The following OR1K1 variants were observed in gnomAD, a reference collection of about 807,000 sequenced individuals.
The protein encoded by OR1K1 is olfactory receptor 1K1.
For synonymous variants in OR1K1, 168 were observed against 178.2 expected, an observed-to-expected ratio of 0.94 and a Z score of 0.46; for missense variants, 409 against 407.9, an observed-to-expected ratio of 1.00 and a Z score of -0.02.
chr9:122,800,221 G>A lies in OR1K1; in HGVS notation c.99G>A (p.Leu33=). The change falls in exon 1 of 1, where the codon TTG becomes TTA. Residue 33 remains leucine (L), a synonymous_variant. Coordinates refer to ENST00000277309, the MANE Select transcript of OR1K1 (RefSeq NM_080859.1). ...GQQRPLFVLF[L]LLYVASLLGN... ...AGCGGCCTCTCTTTGTGCTGTTCTT[G>A]CTCTTGTATGTGGCCAGCCTCCTGG... 1 of 1,614,192 alleles carries A rather than the reference G, an allele frequency of 6.2e-7. No homozygotes were observed. The highest frequency in any genetic ancestry group is 8.5e-7 in the Non-Finnish European group (1 of 1,180,004).
chr9:122,800,759 C>T lies in OR1K1; in HGVS notation c.637C>T (p.Leu213=). Residue 213 remains leucine (L), a synonymous_variant, in exon 1 of 1, where the codon CTG becomes TTG. Coordinates refer to ENST00000277309, the MANE Select transcript of OR1K1 (RefSeq NM_080859.1). ...EGAAVVVTPF[L]LILASYGAIA... is the part of the protein sequence containing the mutation. ...CGCCGCAGTGGTGGTCACTCCCTTC[C>T]TGCTCATCCTCGCCTCCTATGGGGC... is the stretch of plus-strand genomic sequence containing the variant. 6.2e-7 allele frequency: 1 copy of T among 1,614,032 alleles called. No homozygotes were observed. Among genetic ancestry groups the T allele is most frequent in the Non-Finnish European group, 8.5e-7 (1 of 1,180,040 alleles).
In OR1K1 at chr9:122,800,961, C is replaced by T. The variant is rs1433557120; in HGVS notation, c.839C>T (p.Thr280Ile). The T allele has an allele frequency of 1.2e-6, 2 of 1,614,214 alleles. No individual in the cohort carries two copies. The highest frequency in any genetic ancestry group is 1.7e-5 in the Admixed American group (1 of 60,022). Residue 280 changes from threonine (T) to isoleucine (I), a missense_variant, in exon 1 of 1, where the codon ACT (threonine) becomes ATT (isoleucine). By Grantham distance (89) the Thr-to-Ile change is moderately conservative. Coordinates refer to ENST00000277309, the MANE Select transcript of OR1K1 (RefSeq NM_080859.1). ...GGCCGTGTGGCCACTGTCATGTACA[C>T]TGTAGTCACCCCCATGCTGAACCCC... Reference protein sequence around the residue: ...EWGRVATVMYTVVTPMLNPII... With the variant: ...EWGRVATVMYIVVTPMLNPII...
rs1029774437 is a variant in OR1K1 at position 122,800,159 on chromosome 9, T to A, written c.37T>A (p.Phe13Ile). Residue 13 changes from phenylalanine (F) to isoleucine (I), a missense_variant, in exon 1 of 1, where the codon TTC (phenylalanine) becomes ATC (isoleucine). Coordinates refer to ENST00000277309, the MANE Select transcript of OR1K1 (RefSeq NM_080859.1). Reference protein sequence around the residue: ...AANESSEGISFVLLGLTTSPG... With the variant: ...AANESSEGISIVLLGLTTSPG... The stretch of plus-strand genomic sequence containing the variant: ...CAATGAGTCTTCAGAGGGAATCTCA[T>A]TCGTTTTATTGGGACTGACAACAAG... 6.2e-7 allele frequency: 1 copy of A among 1,613,150 alleles called. No homozygotes were observed. Among genetic ancestry groups the A allele is most frequent in the African/African-American group, 1.3e-5 (1 of 74,876 alleles).
Position 122,800,389 on chromosome 9 carries a change from T to C in OR1K1, c.267T>C (p.His89=), listed in dbSNP as rs532783494. The change falls in exon 1 of 1, where the codon CAT becomes CAC. Residue 89 remains histidine (H), a synonymous_variant. Coordinates refer to ENST00000277309, the MANE Select transcript of OR1K1 (RefSeq NM_080859.1). The part of the protein sequence containing the change: ...VPKMLANLLA[H]DHSISLAGCL... Reference sequence around the variant, plus strand: ...AGATGTTGGCCAACTTGTTGGCCCATGACCACTCCATCTCGCTGGCTGGCT... The same window carrying C: ...AGATGTTGGCCAACTTGTTGGCCCACGACCACTCCATCTCGCTGGCTGGCT... The C allele has an allele frequency of 1.2e-6, 2 of 1,614,114 alleles. No individual in the cohort carries two copies. Among genetic ancestry groups the C allele is most frequent in the African/African-American group, 2.7e-5 (2 of 75,064 alleles).
chr9:122,800,675 C>T lies in OR1K1; in HGVS notation c.553C>T (p.Leu185Phe), dbSNP rs144956332. 2,864 of 1,614,170 alleles carry T rather than the reference C, an allele frequency of 1.8e-3. 5 individuals are homozygous for T. Among genetic ancestry groups the T allele is most frequent in the Non-Finnish European group, 2.2e-3 (2,610 of 1,180,042 alleles). ...CCACTTCTTCTGTGACCACCAGCCT[C>T]TCTTAAGGCTCTCGTGCTCTGACAC... ...VPHFFCDHQP[L>F]LRLSCSDTHH... The change falls in exon 1 of 1, where the codon CTC becomes TTC. Residue 185 changes from leucine (L) to phenylalanine (F), a missense_variant. Coordinates refer to ENST00000277309, the MANE Select transcript of OR1K1 (RefSeq NM_080859.1).
rs773435922 is a variant in OR1K1 at position 122,800,923 on chromosome 9, C to T, written c.801C>T (p.Arg267=). The part of the protein sequence containing the change: ...IAVYFQATSR[R]EAEWGRVATV... The stretch of plus-strand genomic sequence containing the variant: ...TCTACTTCCAGGCCACATCCCGACG[C>T]GAGGCAGAGTGGGGCCGTGTGGCCA... Residue 267 remains arginine, a synonymous_variant, in exon 1 of 1, where the codon CGC becomes CGT. Coordinates refer to ENST00000277309, the MANE Select transcript of OR1K1 (RefSeq NM_080859.1). 4.3e-5 allele frequency: 69 copies of T among 1,614,184 alleles called. 1 individual carries two copies. Among genetic ancestry groups the T allele is most frequent in the Middle Eastern group, 3.3e-4 (2 of 6,062 alleles).
Position 122,800,323 on chromosome 9 carries a change from G to C in OR1K1, c.201G>C (p.Leu67=). 6.2e-7 allele frequency: 1 copy of C among 1,614,186 alleles called. No homozygotes were observed. The highest frequency in any genetic ancestry group is 1.1e-5 in the South Asian group (1 of 91,084). ...CCATGTACTTCCTGCTGGCCCACCT[G>C]TCCTTTGCTGACCTCTGCTTCGCCT... ...HAPMYFLLAH[L]SFADLCFASV... is the part of the protein sequence containing the mutation. The change falls in exon 1 of 1, where the codon CTG becomes CTC. Residue 67 remains leucine, a synonymous_variant. Transcript: ENST00000277309.
Position 122,800,140 on chromosome 9 carries a change from G to GTCTTCAGAGGGAA in OR1K1, c.22_34dup (p.Ser12PhefsTer36). ...AGCCTGCCATGGAGGCTGCCAATGA[G>GTCTTCAGAGGGAA]TCTTCAGAGGGAATCTCATTCGTTT... On this transcript the variant is annotated frameshift_variant, in exon 1 of 1. Coordinates refer to ENST00000277309, the MANE Select transcript of OR1K1 (RefSeq NM_080859.1). LOFTEE classifies it low-confidence loss of function (END_TRUNC). The GTCTTCAGAGGGAA allele has an allele frequency of 6.2e-7, 1 of 1,609,348 alleles. No individual in the cohort carries two copies.
At position 122,800,669 on chromosome 9, in the gene OR1K1, C is replaced by G; in HGVS notation, c.547C>G (p.Gln183Glu). Residue 183 changes from glutamine to glutamate, a missense_variant, in exon 1 of 1, where the codon CAG becomes GAG. Transcript: ENST00000277309. ...AGTGCCCCACTTCTTCTGTGACCAC[C>G]AGCCTCTCTTAAGGCTCTCGTGCTC... ...HQVPHFFCDH[Q>E]PLLRLSCSDT... 1.9e-6 allele frequency: 3 copies of G among 1,614,142 alleles called. No individual in the cohort carries two copies. The highest frequency in any genetic ancestry group is 2.5e-6 in the Non-Finnish European group (3 of 1,180,044).
chr9:122,800,335 C>A lies in OR1K1; in HGVS notation c.213C>A (p.Asp71Glu). ...YFLLAHLSFADLCFASVTVPK... is the reference protein window; with the variant it reads ...YFLLAHLSFAELCFASVTVPK... ...TGCTGGCCCACCTGTCCTTTGCTGA[C>A]CTCTGCTTCGCCTCCGTCACTGTGC... is the stretch of plus-strand genomic sequence containing the variant. The change falls in exon 1 of 1, where the codon GAC (aspartate) becomes GAA (glutamate). Residue 71 changes from aspartate to glutamate, a missense_variant. Asp to Glu is a conservative substitution (Grantham distance 45). Transcript: ENST00000277309. 6.2e-7 allele frequency: 1 copy of A among 1,614,180 alleles called. No homozygotes were observed. Among genetic ancestry groups the A allele is most frequent in the Non-Finnish European group, 8.5e-7 (1 of 1,180,016 alleles).
Position 122,800,514 on chromosome 9 carries a change from T to G in OR1K1, c.392T>G (p.Leu131Arg). ...TGCTACGTGGCCATCCGGCACCCCC[T>G]CCCCTATGCCACGAGGATGTCCCGG... ...YDCYVAIRHP[L>R]PYATRMSRAM... is the part of the protein sequence containing the mutation. The change falls in exon 1 of 1, where the codon CTC becomes CGC. Residue 131 changes from leucine to arginine, a missense_variant. Leu to Arg is a moderately radical substitution (Grantham distance 102). Coordinates refer to ENST00000277309, the MANE Select transcript of OR1K1 (RefSeq NM_080859.1). The G allele has an allele frequency of 6.2e-7, 1 of 1,611,850 alleles. No individual in the cohort carries two copies. The highest frequency in any genetic ancestry group is 8.5e-7 in the Non-Finnish European group (1 of 1,179,954).
chr9:122,800,642 C>T lies in OR1K1; in HGVS notation c.520C>T (p.Gln174Ter), dbSNP rs1055546908. The change falls in exon 1 of 1, where the codon CAA becomes TAA. Residue 174 changes from glutamine (Q) to a stop codon, truncating the protein, a stop_gained. Transcript: ENST00000277309. LOFTEE classifies it low-confidence loss of function (END_TRUNC). ...TCGCTTGTCCTTCTGTGCTTCCCAC[C>T]AAGTGCCCCACTTCTTCTGTGACCA... The part of the protein sequence containing the change: ...MARLSFCASH[Q>*]VPHFFCDHQP... 3 of 1,613,976 alleles carry T rather than the reference C, an allele frequency of 1.9e-6. No individual in the cohort carries two copies. The highest frequency in any genetic ancestry group is 1.3e-5 in the African/African-American group (1 of 74,930).
At position 122,800,933 on chromosome 9, in the gene OR1K1, T is replaced by C. The variant is rs7046603; in HGVS notation, c.811T>C (p.Trp271Arg). Reference protein sequence around the residue: ...FQATSRREAEWGRVATVMYTV... With the variant: ...FQATSRREAERGRVATVMYTV... ...GGCCACATCCCGACGCGAGGCAGAG[T>C]GGGGCCGTGTGGCCACTGTCATGTA... The change falls in exon 1 of 1, where the codon TGG (tryptophan) becomes CGG (arginine). Residue 271 changes from tryptophan to arginine, a missense_variant. By Grantham distance (101) the Trp-to-Arg change is moderately radical. Transcript: ENST00000277309. The C allele has an allele frequency of 0.032, 50,918 of 1,613,998 alleles. 1,936 individuals are homozygous for C. Among genetic ancestry groups the C allele is most frequent in the African/African-American group, 0.15 (11,579 of 74,954 alleles).
In OR1K1 at chr9:122,800,950, T is replaced by C; in HGVS notation, c.828T>C (p.Thr276=). Residue 276 remains threonine, a synonymous_variant, in exon 1 of 1, where the codon ACT becomes ACC. Transcript: ENST00000277309. The part of the protein sequence containing the change: ...RREAEWGRVA[T]VMYTVVTPML... ...AGGCAGAGTGGGGCCGTGTGGCCACTGTCATGTACACTGTAGTCACCCCCA... is the reference window on the plus strand; with the variant it reads ...AGGCAGAGTGGGGCCGTGTGGCCACCGTCATGTACACTGTAGTCACCCCCA... 1 of 1,614,190 alleles carries C rather than the reference T, an allele frequency of 6.2e-7. No individual in the cohort carries two copies. The highest frequency in any genetic ancestry group is 1.3e-5 in the African/African-American group (1 of 75,048).
Position 122,800,521 on chromosome 9 carries a change from T to G in OR1K1, c.399T>G (p.Tyr133Ter). ...CYVAIRHPLP[Y>*]ATRMSRAMCA... ...TGGCCATCCGGCACCCCCTCCCCTA[T>G]GCCACGAGGATGTCCCGGGCCATGT... Residue 133 changes from tyrosine (Y) to a stop codon, truncating the protein, a stop_gained, in exon 1 of 1, where the codon TAT becomes TAG. Coordinates refer to ENST00000277309, the MANE Select transcript of OR1K1 (RefSeq NM_080859.1). LOFTEE classifies it low-confidence loss of function (END_TRUNC). The G allele has an allele frequency of 6.2e-7, 1 of 1,612,182 alleles. No individual in the cohort carries two copies. Among genetic ancestry groups the G allele is most frequent in the Non-Finnish European group, 8.5e-7 (1 of 1,179,982 alleles).
At position 122,800,696 on chromosome 9, in the gene OR1K1, G is replaced by A. The variant is rs181268529; in HGVS notation, c.574G>A (p.Asp192Asn). 5 of 1,614,060 alleles carry A rather than the reference G, an allele frequency of 3.1e-6. No homozygotes were observed. In the Admixed American group the frequency reaches 5.0e-5, roughly 16 times the overall value. ...HQPLLRLSCS[D>N]THHIQLLIFT... ...GCCTCTCTTAAGGCTCTCGTGCTCTGACACCCACCACATCCAGCTGCTCAT... is the reference window on the plus strand; with the variant it reads ...GCCTCTCTTAAGGCTCTCGTGCTCTAACACCCACCACATCCAGCTGCTCAT... The change falls in exon 1 of 1, where the codon GAC becomes AAC. Residue 192 changes from aspartate (D) to asparagine (N), a missense_variant. By Grantham distance (23) the Asp-to-Asn change is conservative (BLOSUM62 1). Transcript: ENST00000277309.
rs200246499 is a variant in OR1K1, at chr9:122,800,753, C to G, written c.631C>G (p.Pro211Ala). 6.2e-7 allele frequency: 1 copy of G among 1,614,064 alleles called. No individual in the cohort carries two copies. Among genetic ancestry groups the G allele is most frequent in the East Asian group, 2.2e-5 (1 of 44,880 alleles). Residue 211 changes from proline to alanine, a missense_variant, in exon 1 of 1, where the codon CCC becomes GCC. Transcript: ENST00000277309. ...FTEGAAVVVT[P>A]FLLILASYGA... ...CGAGGGCGCCGCAGTGGTGGTCACT[C>G]CCTTCCTGCTCATCCTCGCCTCCTA...
Position 122,800,537 on chromosome 9 carries a change from CGGG to C in OR1K1, c.416_418del (p.Arg139_Ala140delinsPro). The stretch of plus-strand genomic sequence containing the variant: ...CCTCCCCTATGCCACGAGGATGTCC[CGGG>C]CCATGTGCGCAGCCCTGGTGGGAAT... On this transcript the variant is annotated inframe_deletion, in exon 1 of 1. Transcript: ENST00000277309. 3.1e-6 allele frequency: 5 copies of C among 1,612,732 alleles called. No individual in the cohort carries two copies. In the South Asian group the frequency reaches 5.5e-5, roughly 18 times the overall value.
At position 122,800,444 on chromosome 9, in the gene OR1K1, C is replaced by T. The variant is rs1016970879; in HGVS notation, c.322C>T (p.Leu108=). 6.2e-7 allele frequency: 1 copy of T among 1,612,294 alleles called. No homozygotes were observed. The highest frequency in any genetic ancestry group is 8.5e-7 in the Non-Finnish European group (1 of 1,180,026). The change falls in exon 1 of 1, where the codon CTG becomes TTG. Residue 108 remains leucine (L), a synonymous_variant. Coordinates refer to ENST00000277309, the MANE Select transcript of OR1K1 (RefSeq NM_080859.1). The stretch of plus-strand genomic sequence containing the variant: ...GACCCAAATGTACTTCTTCTTTGCC[C>T]TGGGGGTAACTGATAGCTGTCTTCT... The part of the protein sequence containing the change: ...CLTQMYFFFA[L]GVTDSCLLAA...
Sources: gnomAD v4.1 joint callset for allele counts on GRCh38, gnomAD v4.1.1 for gene constraint, MANE v1.5 for transcripts, NCBI Gene and HGNC (gene_info 2026-07-23, HGNC 2026-07-21) for gene names.